DCC: variants seen among roughly 807,000 people sequenced by gnomAD.
The protein encoded by DCC is DCC netrin 1 receptor, also known as netrin receptor DCC.
Under a neutral mutation model 172.5 loss-of-function variants are expected in DCC, and 58 were observed. The observed-to-expected ratio is 0.34, with a 90% CI of 0.27 to 0.42. The LOEUF is 0.42. Ranked by LOEUF, DCC falls within the 10% of genes least tolerant of loss-of-function variation. The pLI is 1.00. For synonymous variants in DCC, 709 were observed against 644.5 expected, an observed-to-expected ratio of 1.10 and a Z score of -1.52; for missense variants, 1,740 against 1,791.0, an observed-to-expected ratio of 0.97 and a Z score of 0.51.
rs187734272 is a variant in DCC at position 52,472,801 on chromosome 18, A to G, written c.91+131923A>G. ...GAGCCTATAGTCCCAGCTACTTGGG[A>G]GTCTATGAGGTGGGAGGATCACTTG... On this transcript the variant is annotated intron_variant, in intron 1 of 28. Transcript: ENST00000442544. Among the ~76,000 whole-genome samples the G allele has an allele frequency of 2.7e-3, 408 of 152,240 alleles. 3 individuals carry two copies. Among genetic ancestry groups the G allele is most frequent in the African/African-American group, 9.6e-3 (398 of 41,544 alleles).
chr18:53,461,421 C>G lies in DCC; in HGVS notation c.3619+1963C>G, dbSNP rs888847593. 1.3e-5 allele frequency among the ~76,000 whole-genome samples: 2 copies of G among 151,966 alleles called. 1 individual carries two copies. Among genetic ancestry groups the G allele is most frequent in the South Asian group, 4.1e-4 (2 of 4,828 alleles). ...AGGGTTTTTATGGTTTTAGGTCTAACGTTTAAGTCCTTAATCCACCTTGAA... is the reference window on the plus strand; with the variant it reads ...AGGGTTTTTATGGTTTTAGGTCTAAGGTTTAAGTCCTTAATCCACCTTGAA... On this transcript the variant is annotated intron_variant, in intron 24 of 28. Coordinates refer to ENST00000442544, the MANE Select transcript of DCC (RefSeq NM_005215.4).
Position 52,386,466 on chromosome 18 carries a change from C to A in DCC, c.91+45588C>A, listed in dbSNP as rs114047233. On this transcript the variant is annotated intron_variant, in intron 1 of 28. Transcript: ENST00000442544. ...ATGTTTTTTCTTGAGTAATATTTCC[C>A]TAGTCATTTATTTTCATTCCTTTTC... Among the ~76,000 whole-genome samples the A allele has an allele frequency of 4.0e-3, 613 of 152,038 alleles. 13 individuals are homozygous for A. Among genetic ancestry groups the A allele is most frequent in the African/African-American group, 0.014 (593 of 41,466 alleles).
chr18:53,257,568 G>A lies in DCC; in HGVS notation c.1911+41971G>A, dbSNP rs185230237. Among the ~76,000 whole-genome samples, 3 of 152,336 alleles carry A rather than the reference G, an allele frequency of 2.0e-5. No homozygotes were observed. In the East Asian group the frequency reaches 5.8e-4, roughly 29 times the overall value. On this transcript the variant is annotated intron_variant, in intron 12 of 28. Coordinates refer to ENST00000442544, the MANE Select transcript of DCC (RefSeq NM_005215.4). ...TGCATCCCAGGGATGAAGCCCACTT[G>A]ATCATAGTGGATAAGCTTTTTGATG...
chr18:53,093,778 C>G (rs1225037351), intron 7 of DCC, among the ~76,000 whole-genome samples: 1 of 152,124 alleles, frequency 6.6e-6, no homozygotes, highest in Non-Finnish European at 1.5e-5. Context: ...CTGGGAGTAG[C>G]CTGAGCAGCG....
intron 1 of DCC, among the ~76,000 whole-genome samples, chr18:52,391,184 T>G (rs1404944230): frequency 6.6e-6 from 1 of 152,044 alleles, no homozygotes; most frequent in African/African-American, 2.4e-5. Flanking sequence ...GCTACAATAG[T>G]TTATAAGAGG....
intron 1 of DCC, among the ~76,000 whole-genome samples, chr18:52,373,887 C>CTTTTTTTTTTTTTTTTT (rs779518696): frequency 1.4e-5 from 2 of 141,110 alleles, no homozygotes; most frequent in Non-Finnish European, 1.5e-5. Context: ...TTGGTTGCAT[C>CTTTTTTTTTTTTTTTTT]ATTTTTTTTT....
At chr18:52,900,351 T>C (rs1160490824) in intron 2 of DCC, among the ~76,000 whole-genome samples, 1 of 152,196 alleles carries the variant, frequency 6.6e-6, no homozygotes, top group Non-Finnish European at 1.5e-5. Flanking sequence ...CTTTTAATGT[T>C]AAAATTAGTG....
intron 1 of DCC, among the ~76,000 whole-genome samples, chr18:52,405,076 G>A (rs1190944432): frequency 4.6e-5 from 7 of 151,376 alleles, no homozygotes; most frequent in East Asian, 3.9e-4. Context: ...TGGACATTTC[G>A]GTTGGTTCCA....
At chr18:52,923,024 A>G (rs1598933651) in intron 3 of DCC, among the ~76,000 whole-genome samples, 2 of 152,304 alleles carry the variant, frequency 1.3e-5, no homozygotes, top group East Asian at 1.9e-4. Flanking sequence ...TAGTAAATGC[A>G]TCAGATGAAG....
At chr18:53,206,523 T>A (rs1009619444) in intron 10 of DCC, among the ~76,000 whole-genome samples, 1 of 65,854 alleles carries the variant, frequency 1.5e-5, no homozygotes, top group Non-Finnish European at 4.0e-5. Context: ...TATACATGTA[T>A]TATATATAAT....
chr18:53,283,029 A>C (rs754913810), intron 12 of DCC, among the ~76,000 whole-genome samples: 1 of 152,222 alleles, frequency 6.6e-6, no homozygotes, highest in Non-Finnish European at 1.5e-5. Context: ...AAAAGGAGAC[A>C]TAAAAGAAGG....
At chr18:53,171,603 A>G (rs567094838) in intron 8 of DCC, among the ~76,000 whole-genome samples, 54 of 152,302 alleles carry the variant, frequency 3.5e-4, no homozygotes, top group African/African-American at 1.3e-3. Context: ...ATGAAATCCA[A>G]CATCCTCTTG....
intron 2 of DCC, among the ~76,000 whole-genome samples, chr18:52,889,244 G>A (rs1193621768): frequency 6.6e-6 from 1 of 151,862 alleles, no homozygotes; most frequent in Non-Finnish European, 1.5e-5. Flanking sequence ...GATCAGTAAG[G>A]CCCTTTCTAG....
intron 12 of DCC, among the ~76,000 whole-genome samples, chr18:53,226,948 A>ATATATATATTTTTTTTTT: frequency 1.1e-4 from 6 of 52,954 alleles, no homozygotes; most frequent in African/African-American, 5.7e-4. Flanking sequence ...ATATATATAT[A>ATATATATATTTTTTTTTT]TTTTTTTTTT....
intron 12 of DCC, among the ~76,000 whole-genome samples, chr18:53,265,727 A>G (rs2056665893): frequency 6.6e-6 from 1 of 152,224 alleles, no homozygotes; most frequent in South Asian, 2.1e-4. Context: ...AGACATTCTC[A>G]GCTCCGATCT....
intron 5 of DCC, among the ~76,000 whole-genome samples, chr18:53,063,071 T>C (rs1349971855): frequency 2.6e-5 from 4 of 152,132 alleles, no homozygotes; most frequent in African/African-American, 9.7e-5. Flanking sequence ...AAGTGTTTCC[T>C]TTTTTCTTTC....
intron 5 of DCC, among the ~76,000 whole-genome samples, chr18:53,034,342 C>G (rs2042064383): frequency 6.6e-6 from 1 of 151,910 alleles, no homozygotes; most frequent in African/African-American, 2.4e-5. Context: ...GTCATCATAC[C>G]TCTCCAGAAA....
At chr18:53,031,402 C>A (rs991637356) in intron 5 of DCC, among the ~76,000 whole-genome samples, 2 of 151,622 alleles carry the variant, frequency 1.3e-5, no homozygotes, top group Non-Finnish European at 2.9e-5. Flanking sequence ...AACTTTTTTT[C>A]ACTCTAAAAT....
At chr18:53,307,159 G>C (rs1409344038) in intron 13 of DCC, among the ~76,000 whole-genome samples, 1 of 152,108 alleles carries the variant, frequency 6.6e-6, no homozygotes, top group African/African-American at 2.4e-5. Context: ...ATAATGGCCA[G>C]AGCACTTCCA....
Sources: allele counts gnomAD v4.1 joint callset (sites outside exome capture counted in the v4.1 genomes callset), GRCh38; gene constraint gnomAD v4.1.1; transcripts MANE v1.5; gene names NCBI Gene and HGNC (gene_info 2026-07-23, HGNC 2026-07-21).